Variants in AUTS2 observed in about 807,000 individuals in gnomAD.
AUTS2 encodes autism susceptibility gene 2 protein.
AUTS2 carries 17 observed loss-of-function variants against 112.4 expected under a neutral mutation model. That is an observed-to-expected ratio of 0.15 (90% CI 0.10 to 0.23). The LOEUF is 0.23. Among genes scored for constraint, AUTS2 ranks in the 10% least tolerant of loss-of-function variants. The pLI, the probability that AUTS2 is intolerant of heterozygous loss-of-function variation, is 1.00. For missense variants in AUTS2, 1,510 were observed against 1,701.6 expected (o/e 0.89, Z 1.98); for synonymous variants, 751 against 702.7 (o/e 1.07, Z -1.09).
chr7:69,791,752 G>T (rs1055198220), intron 1 of AUTS2, among the ~76,000 whole-genome samples: 3 of 152,172 alleles, frequency 2.0e-5, no homozygotes, highest in African/African-American at 7.2e-5. Flanking sequence ...ACTGACATAG[G>T]CTGGCCTGGG....
At chr7:70,470,609 G>A (rs949179223) in intron 5 of AUTS2, among the ~76,000 whole-genome samples, 2 of 152,186 alleles carry the variant, frequency 1.3e-5, no homozygotes, top group Non-Finnish European at 2.9e-5. Flanking sequence ...ACTGAGGCTG[G>A]ATAAGCTTTG....
At chr7:70,628,053 G>T (rs1407409659) in intron 5 of AUTS2, among the ~76,000 whole-genome samples, 4 of 152,172 alleles carry the variant, frequency 2.6e-5, no homozygotes, top group Admixed American at 6.5e-5. Context: ...CACGAAGGTG[G>T]CTCATTGATC....
At chr7:69,619,582 C>T (rs904098701) in intron 1 of AUTS2, among the ~76,000 whole-genome samples, 12 of 152,152 alleles carry the variant, frequency 7.9e-5, no homozygotes, top group African/African-American at 2.4e-4. Flanking sequence ...TGGACACGTC[C>T]GTGACTGTAC....
intron 5 of AUTS2, among the ~76,000 whole-genome samples, chr7:70,639,603 C>A (rs986288109): frequency 8.5e-6 from 1 of 118,070 alleles, no homozygotes; most frequent in African/African-American, 3.5e-5. Flanking sequence ...GGTGATAGAG[C>A]GAGACCCTGT....
intron 6 of AUTS2, among the ~76,000 whole-genome samples, chr7:70,759,323 A>G (rs567992075): frequency 1.5e-4 from 23 of 152,250 alleles, no homozygotes; most frequent in African/African-American, 5.3e-4. Context: ...CATATTCCCT[A>G]TCTGGTCAGA....
At position 70,792,764 on chromosome 7, in the gene AUTS2, C is replaced by T. The variant is rs781394215; in HGVS notation, c.*1768C>T. 1 of 152,460 alleles carries T rather than the reference C, an allele frequency of 6.6e-6. No individual in the cohort carries two copies. Among genetic ancestry groups the T allele is most frequent in the Non-Finnish European group, 1.5e-5 (1 of 68,026 alleles). The allele number at this position is 152,460 out of a possible 1,614,324, so 9.4% of individuals were successfully genotyped here. On this transcript the variant is annotated 3_prime_UTR_variant, in exon 19 of 19. Transcript: ENST00000342771. ...GTATGTAATAAAGTCCTTTCTAGAT[C>T]CTATGTGAAAAGAAAAGTGAAGCAA... is the stretch of plus-strand genomic sequence containing the variant.
chr7:70,243,928 T>A (rs1258617294), intron 4 of AUTS2, among the ~76,000 whole-genome samples: 2 of 151,964 alleles, frequency 1.3e-5, no homozygotes, highest in African/African-American at 4.8e-5. Context: ...CTCTTACTCT[T>A]ATTATTACTA....
In AUTS2 at chr7:69,657,628, T is replaced by G. The variant is rs1795603861; in HGVS notation, c.309+57666T>G. On this transcript the variant is annotated intron_variant, in intron 1 of 18. Transcript: ENST00000342771. ...CGTTCTGATAAAGCCTGAGCAGATG[T>G]GGGTGGTGAAGGATTTTTTTTTTAA... Among the ~76,000 whole-genome samples the G allele has an allele frequency of 2.6e-5, 4 of 152,240 alleles. No individual in the cohort carries two copies. In the South Asian group the frequency reaches 8.3e-4, roughly 32 times the overall value.
At chr7:70,465,681 A>G (rs964447160) in intron 5 of AUTS2, among the ~76,000 whole-genome samples, 4 of 152,174 alleles carry the variant, frequency 2.6e-5, no homozygotes, top group Non-Finnish European at 5.9e-5. Context: ...CAGGATTACC[A>G]CAAAGACTCG....
At chr7:70,160,919 T>C (rs1011989596) in intron 4 of AUTS2, among the ~76,000 whole-genome samples, 4 of 152,180 alleles carry the variant, frequency 2.6e-5, no homozygotes, top group Non-Finnish European at 4.4e-5. Context: ...AATGAAGACA[T>C]TTGTGGAAGG....
At chr7:70,108,025 A>G (rs991271956) in intron 2 of AUTS2, among the ~76,000 whole-genome samples, 1 of 151,750 alleles carries the variant, frequency 6.6e-6, no homozygotes, top group Non-Finnish European at 1.5e-5. Context: ...AAAAAAAAAA[A>G]GTTTAACTCT....
intron 5 of AUTS2, chr7:70,437,448 A>G (rs1460615192): frequency 6.6e-6 from 1 of 152,190 alleles, no homozygotes; most frequent in African/African-American, 2.4e-5. Flanking sequence ...TTCCAGATCT[A>G]TCAGCAATGG....
At chr7:69,611,633 T>C (rs932416747) in intron 1 of AUTS2, among the ~76,000 whole-genome samples, 1 of 152,240 alleles carries the variant, frequency 6.6e-6, no homozygotes, top group Non-Finnish European at 1.5e-5. Context: ...CTGTTGATCA[T>C]TTTTTAAAAA....
chr7:70,102,640 C>G (rs1804560621), intron 2 of AUTS2, among the ~76,000 whole-genome samples: 1 of 151,828 alleles, frequency 6.6e-6, no homozygotes, highest in African/African-American at 2.4e-5. Flanking sequence ...TATTCTTTTC[C>G]TTCTAATAAT....
chr7:70,558,811 C>A (rs1325465759), intron 5 of AUTS2, among the ~76,000 whole-genome samples: 1 of 152,180 alleles, frequency 6.6e-6, no homozygotes, highest in South Asian at 2.1e-4. Flanking sequence ...ATGAATGTAA[C>A]GTGTTGCTGT....
chr7:70,593,930 G>A (rs1247496120), intron 5 of AUTS2, among the ~76,000 whole-genome samples: 1 of 152,186 alleles, frequency 6.6e-6, no homozygotes, highest in African/African-American at 2.4e-5. Context: ...AGCAGCGCAA[G>A]CACAGCGTCA....
At chr7:70,604,594 C>A (rs1803634967) in intron 5 of AUTS2, among the ~76,000 whole-genome samples, 2 of 152,326 alleles carry the variant, frequency 1.3e-5, no homozygotes, top group South Asian at 4.1e-4. Flanking sequence ...TTTGGCTGTT[C>A]CCCAGTATAG....
At chr7:69,843,534 G>T (rs1487993870) in intron 1 of AUTS2, among the ~76,000 whole-genome samples, 2 of 152,192 alleles carry the variant, frequency 1.3e-5, no homozygotes, top group African/African-American at 4.8e-5. Context: ...TAGATGTGCA[G>T]TATAAATTTC....
intron 2 of AUTS2, among the ~76,000 whole-genome samples, chr7:70,085,294 T>C (rs1803538599): frequency 6.6e-6 from 1 of 152,228 alleles, no homozygotes; most frequent in Non-Finnish European, 1.5e-5. Context: ...CTTTTACATT[T>C]ATGTCTGTGA....
Sources: gnomAD v4.1 joint callset for allele counts (sites outside exome capture counted in the v4.1 genomes callset) on GRCh38, gnomAD v4.1.1 for gene constraint, MANE v1.5 for transcripts, NCBI Gene and HGNC (gene_info 2026-07-23, HGNC 2026-07-21) for gene names.